AKAP11: variants seen among roughly 807,000 people sequenced by gnomAD.
The protein encoded by AKAP11 is A-kinase anchor protein 11.
In AKAP11, 36 loss-of-function variants were observed where a neutral mutation model predicts 146.1. The observed-to-expected ratio is 0.25, with a 90% CI of 0.19 to 0.33. AKAP11 has a LOEUF of 0.33. AKAP11 is among the 10% of genes least tolerant of loss of function. The pLI, the probability that AKAP11 is intolerant of heterozygous loss-of-function variation, is 1.00. For missense variants in AKAP11, 2,201 were observed against 2,197.0 expected, an observed-to-expected ratio of 1.00 and a Z score of -0.04; for synonymous variants, 780 against 786.5, an observed-to-expected ratio of 0.99 and a Z score of 0.14.
chr13:42,317,817 C>T (rs1190684882), intron 12 of AKAP11, 129 bp downstream of exon 12: 11 of 1,044,974 alleles, frequency 1.1e-5, no homozygotes, highest in African/African-American at 1.6e-5. Context: ...AGTTTGGGTT[C>T]AGACATCAGC....
rs1959700840 is a variant in AKAP11, at chr13:42,299,242, C to T, written c.617-121C>T. The T allele has an allele frequency of 3.7e-6, 3 of 820,854 alleles. No individual in the cohort carries two copies. The Admixed American group carries it at 9.1e-5, about 25-fold the overall frequency. 50.8% of individuals were successfully genotyped at this position (820,854 alleles called of 1,614,324 possible). ...TACTTGGGTGAATCTTTCTGTTAAACATAGTTTAGAAGATACACATAAATA... is the reference window on the plus strand; with the variant it reads ...TACTTGGGTGAATCTTTCTGTTAAATATAGTTTAGAAGATACACATAAATA... On this transcript the variant is annotated intron_variant, in intron 7 of 12. Coordinates refer to ENST00000025301, the MANE Select transcript of AKAP11 (RefSeq NM_016248.4).
Position 42,300,839 on chromosome 13 carries a change from T to C in AKAP11, c.2093T>C (p.Ile698Thr). The C allele has an allele frequency of 2.5e-6, 4 of 1,614,124 alleles. No homozygotes were observed. The highest frequency in any genetic ancestry group is 3.4e-6 in the Non-Finnish European group (4 of 1,179,980). The change falls in exon 8 of 13, where the codon ATA becomes ACA. Residue 698 changes from isoleucine to threonine, a missense_variant. Coordinates refer to ENST00000025301, the MANE Select transcript of AKAP11 (RefSeq NM_016248.4). Reference protein sequence around the residue: ...LYAKDLSESVIQEAFIELSQV... With the variant: ...LYAKDLSESVTQEAFIELSQV... ...GCAAAAGATTTGTCTGAATCTGTAA[T>C]ACAGGAAGCATTCATTGAGCTATCA...
intron 1 of AKAP11, among the ~76,000 whole-genome samples, chr13:42,275,685 G>A (rs1286762937): frequency 6.6e-6 from 1 of 152,142 alleles, no homozygotes; most frequent in Non-Finnish European, 1.5e-5. Flanking sequence ...GATTCTCCTG[G>A]GTGTGGGAGT....
intron 8 of AKAP11, among the ~76,000 whole-genome samples, chr13:42,306,827 TA>T (rs1284966869): frequency 9.9e-5 from 15 of 152,166 alleles, no homozygotes; most frequent in African/African-American, 3.6e-4. Flanking sequence ...AATTATGTGA[TA>T]GTACATTTTT....
chr13:42,276,576 A>G (rs1372512768), intron 1 of AKAP11, among the ~76,000 whole-genome samples: 1 of 152,194 alleles, frequency 6.6e-6, no homozygotes, highest in Admixed American at 6.5e-5. Context: ...GATATAAAAT[A>G]CTGTCTTCCA....
At position 42,321,260 on chromosome 13, in the gene AKAP11, T is replaced by G. The variant is rs953847250; in HGVS notation, c.*2032T>G. ...GAATTTCTTTTAAAGTGATGATATA[T>G]TATTTTGTGAAACTTTGTGTTTGAA... On this transcript the variant is annotated 3_prime_UTR_variant, in exon 13 of 13. Transcript: ENST00000025301. 8.5e-5 allele frequency: 13 copies of G among 152,488 alleles called. No homozygotes were observed. Among genetic ancestry groups the G allele is most frequent in the African/African-American group, 2.6e-4 (11 of 41,586 alleles). 9.4% of individuals were successfully genotyped at this position (152,488 alleles called of 1,614,324 possible). A position where few individuals can be genotyped will look rare whatever the true frequency, so the allele number is the denominator to read the frequency against.
In AKAP11 at chr13:42,302,293, C is replaced by T. The variant is rs1959971320; in HGVS notation, c.3547C>T (p.Pro1183Ser). ...EVESSESGELPEVDVKSEHSG... is the reference protein window; with the variant it reads ...EVESSESGELSEVDVKSEHSG... ...TGAGAGTAGTGAAAGTGGAGAGCTCCCAGAAGTGGATGTGAAGTCGGAGCA... is the reference window on the plus strand; with the variant it reads ...TGAGAGTAGTGAAAGTGGAGAGCTCTCAGAAGTGGATGTGAAGTCGGAGCA... The change falls in exon 8 of 13, where the codon CCA becomes TCA. Residue 1183 changes from proline to serine, a missense_variant. Around this residue, in one of 3 missense-constraint regions of AKAP11, gnomAD observed 1,867 missense variants for 1,833.5 expected, o/e 1.02. Transcript: ENST00000025301. The T allele has an allele frequency of 1.9e-6, 3 of 1,614,082 alleles. No homozygotes were observed. The highest frequency in any genetic ancestry group is 1.1e-5 in the South Asian group (1 of 91,082).
In AKAP11 at chr13:42,299,832, T is replaced by G. The variant is rs199561486; in HGVS notation, c.1086T>G (p.Phe362Leu). ...AATTTTTTGATAGTTTTGATCAGTT[T>G]GATGAACTAGAACAAACTTTAGAGA... Reference protein sequence around the residue: ...VSEFFDSFDQFDELEQTLETC... With the variant: ...VSEFFDSFDQLDELEQTLETC... Residue 362 changes from phenylalanine (F) to leucine (L), a missense_variant, in exon 8 of 13, where the codon TTT becomes TTG. Around this residue, in one of 3 missense-constraint regions of AKAP11, gnomAD observed 1,867 missense variants for 1,833.5 expected, o/e 1.02. Transcript: ENST00000025301. 1 of 1,613,808 alleles carries G rather than the reference T, an allele frequency of 6.2e-7. No individual in the cohort carries two copies. Among genetic ancestry groups the G allele is most frequent in the East Asian group, 2.2e-5 (1 of 44,884 alleles).
intron 1 of AKAP11, among the ~76,000 whole-genome samples, chr13:42,279,929 T>C (rs868786315): frequency 2.6e-5 from 4 of 152,240 alleles, no homozygotes; most frequent in Non-Finnish European, 5.9e-5. Flanking sequence ...TGAATTATTG[T>C]CTCTACTAAG....
rs760482182 is a variant in AKAP11 at position 42,286,418 on chromosome 13, GT to G, written c.51+22del. 3.9e-6 allele frequency: 6 copies of G among 1,554,236 alleles called. No individual in the cohort carries two copies. The highest frequency in any genetic ancestry group is 4.4e-6 in the Non-Finnish European group (5 of 1,147,532). ...CAGAAAAGTAAGTTCACTCTATTAG[GT>G]TTCTTTTAGTGAAAGTTTTAATTAA... On this transcript the variant is annotated intron_variant, in intron 3 of 12. Coordinates refer to ENST00000025301, the MANE Select transcript of AKAP11 (RefSeq NM_016248.4).
chr13:42,292,071 C>G (rs1002081896), intron 3 of AKAP11, among the ~76,000 whole-genome samples: 1 of 152,142 alleles, frequency 6.6e-6, no homozygotes, highest in South Asian at 2.1e-4. Flanking sequence ...ACTTGGAAAT[C>G]AGATATGCAG....
rs977905871 is a variant in AKAP11 at position 42,321,899 on chromosome 13, AT to A, written c.*2672del. On this transcript the variant is annotated 3_prime_UTR_variant, in exon 13 of 13. Coordinates refer to ENST00000025301, the MANE Select transcript of AKAP11 (RefSeq NM_016248.4). ...ACCAGTTTCAAAACCTTCAAGTGAT[AT>A]GTGGAAAAAAGTGAATGAGACCTCT... 1.3e-5 allele frequency: 2 copies of A among 152,334 alleles called. No homozygotes were observed. The highest frequency in any genetic ancestry group is 6.5e-5 in the Admixed American group (1 of 15,284). The allele number at this position is 152,334 out of a possible 1,614,324, so 9.4% of individuals were successfully genotyped here.
At chr13:42,281,522 C>G (rs1959058723) in intron 1 of AKAP11, among the ~76,000 whole-genome samples, 1 of 152,124 alleles carries the variant, frequency 6.6e-6, no homozygotes, top group African/African-American at 2.4e-5. Flanking sequence ...GTGATGTCAA[C>G]TTGAACATTT....
At chr13:42,308,010 A>G (rs1257325067) in intron 8 of AKAP11, among the ~76,000 whole-genome samples, 6 of 152,194 alleles carry the variant, frequency 3.9e-5, no homozygotes, top group Non-Finnish European at 8.8e-5. Flanking sequence ...GTTAGTTTGA[A>G]TACAGGCTTG....
Position 42,301,101 on chromosome 13 carries a change from A to T in AKAP11, c.2355A>T (p.Ala785=), listed in dbSNP as rs1566275393. The change falls in exon 8 of 13, where the codon GCA becomes GCT. Residue 785 remains alanine, a synonymous_variant. Coordinates refer to ENST00000025301, the MANE Select transcript of AKAP11 (RefSeq NM_016248.4). ...TTACTTCTATACCGGTGCCCTTGGC[A>T]GGAAGTGCCCTTCTCCCATATCATA... ...GIVTSIPVPL[A]GSALLPYHIS... 6.2e-7 allele frequency: 1 copy of T among 1,614,128 alleles called. No individual in the cohort carries two copies. Among genetic ancestry groups the T allele is most frequent in the Non-Finnish European group, 8.5e-7 (1 of 1,179,972 alleles).
chr13:42,287,972 A>C (rs1959179410), intron 3 of AKAP11, among the ~76,000 whole-genome samples: 1 of 152,184 alleles, frequency 6.6e-6, no homozygotes, highest in South Asian at 2.1e-4. Context: ...TGTCCATATT[A>C]GGCACTCAGT....
At chr13:42,310,965 T>C (rs1490193565) in intron 9 of AKAP11, among the ~76,000 whole-genome samples, 1 of 152,142 alleles carries the variant, frequency 6.6e-6, no homozygotes, top group South Asian at 2.1e-4. Flanking sequence ...ATTTCAGATT[T>C]TCAAAAGTGT....
intron 12 of AKAP11, 36 bp from the exon 13 acceptor site, chr13:42,319,052 T>G: frequency 6.3e-7 from 1 of 1,590,650 alleles, no homozygotes; most frequent in Non-Finnish European, 8.6e-7. Flanking sequence ...TATAAAATTG[T>G]TTTTGGTTAA....
chr13:42,313,830 T>C (rs1319731263), intron 10 of AKAP11, 64 bp from the exon 11 acceptor site: 5 of 1,412,356 alleles, frequency 3.5e-6, no homozygotes, highest in Non-Finnish European at 5.0e-6. Context: ...TTTTTAAGAA[T>C]TTGTTTTGAT....
Sources: gnomAD v4.1 joint callset for allele counts (sites outside exome capture counted in the v4.1 genomes callset) on GRCh38, gnomAD v4.1.1 for gene constraint, gnomAD v4.1.1 regional missense constraint, MANE v1.5 for transcripts, NCBI Gene and HGNC (gene_info 2026-07-23, HGNC 2026-07-21) for gene names.